Variants in HPSE2 observed in about 807,000 individuals in gnomAD.
HPSE2 encodes the protein inactive heparanase-2.
HPSE2 carries 38 observed loss-of-function variants against 60.5 expected under a neutral mutation model. That is an observed-to-expected ratio of 0.63 (90% CI 0.48 to 0.82). The LOEUF (loss-of-function observed/expected upper bound fraction) is 0.82. HPSE2 is among the 40% of genes least tolerant of loss of function. The probability of loss-of-function intolerance (pLI) is 0.00; values close to 1 mark genes in which losing one functional copy is unlikely to be tolerated. For synonymous variants in HPSE2, 295 were observed against 293.2 expected, an observed-to-expected ratio of 1.01 and a Z score of -0.06; for missense variants, 713 against 740.4, an observed-to-expected ratio of 0.96 and a Z score of 0.43.
chr10:99,103,119 G>A lies in HPSE2; in HGVS notation c.610+41119C>T, dbSNP rs1241853072. ...ACCCCTCCTAGTCAACATAGTGTTG[G>A]AAGTTCTGGCCAGGGCAATTAGGCA... On this transcript the variant is annotated intron_variant, in intron 3 of 11. Transcript: ENST00000370552. Among the ~76,000 whole-genome samples, 7 of 152,282 alleles carry A rather than the reference G, an allele frequency of 4.6e-5. No individual in the cohort carries two copies. In the East Asian group the frequency reaches 1.3e-3, roughly 29 times the overall value.
intron 7 of HPSE2, among the ~76,000 whole-genome samples, chr10:98,628,023 CAGTG>C (rs1267994494): frequency 6.6e-6 from 1 of 152,168 alleles, no homozygotes; most frequent in African/African-American, 2.4e-5. Flanking sequence ...CAAATATACA[CAGTG>C]AGGAACAACT....
the HPSE2 span, among the ~76,000 whole-genome samples, chr10:99,270,844 T>C: frequency 6.6e-6 from 1 of 152,106 alleles, no homozygotes; most frequent in East Asian, 1.9e-4. Context: ...TGCAAGACAA[T>C]AAATGTGATA....
At chr10:98,514,297 G>A (rs1212831186) in intron 9 of HPSE2, among the ~76,000 whole-genome samples, 1 of 152,080 alleles carries the variant, frequency 6.6e-6, no homozygotes, top group African/African-American at 2.4e-5. Context: ...TATTGCATAT[G>A]GTTACAGAGT....
intron 11 of HPSE2, among the ~76,000 whole-genome samples, chr10:98,462,572 C>G (rs1433878413): frequency 6.6e-6 from 1 of 152,244 alleles, no homozygotes; most frequent in Non-Finnish European, 1.5e-5. Flanking sequence ...ATTTTCAGGT[C>G]TCCATTCTCA....
chr10:98,803,660 T>A (rs903302511), intron 3 of HPSE2, among the ~76,000 whole-genome samples: 3 of 151,176 alleles, frequency 2.0e-5, no homozygotes, highest in African/African-American at 7.4e-5. Flanking sequence ...CTGAGGGCTC[T>A]GTTCTGTTCC....
intron 11 of HPSE2, among the ~76,000 whole-genome samples, chr10:98,463,201 C>T (rs2133582245): frequency 6.6e-6 from 1 of 152,230 alleles, no homozygotes; most frequent in South Asian, 2.1e-4. Context: ...TATCTGTTGT[C>T]ACTGCACCGC....
At chr10:98,626,531 C>T (rs186990270) in intron 7 of HPSE2, among the ~76,000 whole-genome samples, 2 of 152,236 alleles carry the variant, frequency 1.3e-5, no homozygotes, top group East Asian at 1.9e-4. Flanking sequence ...CTCATACCCA[C>T]GCCCATACTC....
At chr10:99,033,938 C>T (rs1793362262) in intron 3 of HPSE2, among the ~76,000 whole-genome samples, 1 of 152,188 alleles carries the variant, frequency 6.6e-6, no homozygotes, top group Non-Finnish European at 1.5e-5. Flanking sequence ...CACACACTTA[C>T]ATTTGACCTG....
intron 6 of HPSE2, among the ~76,000 whole-genome samples, chr10:98,661,126 TCA>T (rs1183081021): frequency 6.6e-5 from 10 of 152,262 alleles, no homozygotes; most frequent in African/African-American, 2.4e-4. Context: ...CCCCTGGGAA[TCA>T]CAAGCCCGAT....
chr10:98,880,514 T>TAA (rs540224932), intron 3 of HPSE2, among the ~76,000 whole-genome samples: 176 of 152,226 alleles, frequency 1.2e-3, no homozygotes, highest in Non-Finnish European at 1.8e-3. Context: ...TGTGACTTTG[T>TAA]CACTTAGCCT....
At chr10:99,194,846 T>C (rs1848339255) in intron 2 of HPSE2, among the ~76,000 whole-genome samples, 1 of 152,038 alleles carries the variant, frequency 6.6e-6, no homozygotes, top group African/African-American at 2.4e-5. Context: ...ACTCAAACTA[T>C]TCTGAAAAAT....
chr10:98,701,967 T>G (rs1948422926), intron 5 of HPSE2, among the ~76,000 whole-genome samples: 1 of 152,100 alleles, frequency 6.6e-6, no homozygotes, highest in Non-Finnish European at 1.5e-5. Context: ...AATATTAACC[T>G]TAAATGTAAA....
At chr10:99,016,081 C>A (rs1351632312) in intron 3 of HPSE2, among the ~76,000 whole-genome samples, 1 of 152,144 alleles carries the variant, frequency 6.6e-6, no homozygotes, top group Non-Finnish European at 1.5e-5. Context: ...GTTGCAATTG[C>A]TTTTGGCATC....
intron 3 of HPSE2, among the ~76,000 whole-genome samples, chr10:99,136,431 C>T (rs1845657048): frequency 6.6e-6 from 1 of 152,026 alleles, no homozygotes; most frequent in East Asian, 1.9e-4. Flanking sequence ...GGCAGAGACA[C>T]AACAAAAAAA....
chr10:99,284,121 A>G, the HPSE2 span, among the ~76,000 whole-genome samples: 2 of 152,198 alleles, frequency 1.3e-5, no homozygotes, highest in Admixed American at 6.5e-5. Flanking sequence ...GATGTTAATA[A>G]TCCTCAACAA....
At chr10:98,989,314 C>T (rs1445906709) in intron 3 of HPSE2, among the ~76,000 whole-genome samples, 1 of 152,084 alleles carries the variant, frequency 6.6e-6, no homozygotes, top group African/African-American at 2.4e-5. Context: ...TACTAGGCAG[C>T]CATAAAAAAT....
chr10:98,614,009 T>G (rs1945830869), intron 9 of HPSE2, among the ~76,000 whole-genome samples: 1 of 152,202 alleles, frequency 6.6e-6, no homozygotes, highest in African/African-American at 2.4e-5. Context: ...ATTTTTCTCT[T>G]TCCTTTTCTT....
intron 6 of HPSE2, among the ~76,000 whole-genome samples, chr10:98,690,092 T>C (rs1948035094): frequency 1.3e-5 from 2 of 152,236 alleles, no homozygotes; most frequent in South Asian, 4.1e-4. Flanking sequence ...GAAGTTTATA[T>C]GCATATTTTG....
chr10:99,298,337 T>G, the HPSE2 span, among the ~76,000 whole-genome samples: 1 of 152,260 alleles, frequency 6.6e-6, no homozygotes, highest in South Asian at 2.1e-4. Flanking sequence ...CAATAGAAAG[T>G]GGGAAATGAA....
Sources: gnomAD v4.1 joint callset for allele counts (sites outside exome capture counted in the v4.1 genomes callset) on GRCh38, gnomAD v4.1.1 for gene constraint, MANE v1.5 for transcripts, NCBI Gene and HGNC (gene_info 2026-07-23, HGNC 2026-07-21) for gene names.